TRAPPC11: variants seen among roughly 807,000 people sequenced by gnomAD.
TRAPPC11 encodes trafficking protein particle complex subunit 11, also known as foie gras homolog.
Under a neutral mutation model 151.2 loss-of-function variants are expected in TRAPPC11, and 104 were observed. The ratio of observed to expected loss-of-function variants is 0.69; its 90% CI spans 0.59 to 0.81. TRAPPC11 has a LOEUF of 0.81. TRAPPC11 is among the 30% of genes least tolerant of loss of function. The pLI, the probability that TRAPPC11 is intolerant of heterozygous loss-of-function variation, is 0.00. For synonymous variants in TRAPPC11, 456 were observed against 472.3 expected (o/e 0.97, Z 0.45); for missense variants, 1,230 against 1,349.6 (o/e 0.91, Z 1.39).
chr4:183,660,879 A>C lies in TRAPPC11; in HGVS notation c.-22+1432A>C, dbSNP rs369150284. On this transcript the variant is annotated intron_variant, in intron 1 of 29. Coordinates refer to ENST00000334690, the MANE Select transcript of TRAPPC11 (RefSeq NM_021942.6). ...TAGGCACGCATCACCATGCCCGGCT[A>C]ATTTTTGTATTTTTAGTAGAGACGG... Among the ~76,000 whole-genome samples, 45 of 151,976 alleles carry C rather than the reference A, an allele frequency of 3.0e-4. 1 individual carries two copies. Among genetic ancestry groups the C allele is most frequent in the African/African-American group, 1.1e-3 (45 of 41,524 alleles).
intron 1 of TRAPPC11, among the ~76,000 whole-genome samples, chr4:183,660,756 C>T (rs949864709): frequency 1.3e-4 from 20 of 152,302 alleles, no homozygotes; most frequent in Non-Finnish European, 1.8e-4. Flanking sequence ...CTCTGTTGCC[C>T]AGGCTGGAGT....
Position 183,707,055 on chromosome 4 carries a change from T to C in TRAPPC11, c.3189+115T>C, listed in dbSNP as rs1384700188. 3 of 1,300,670 alleles carry C rather than the reference T, an allele frequency of 2.3e-6. No individual in the cohort carries two copies. In the East Asian group the frequency reaches 7.3e-5, roughly 32 times the overall value. The allele number at this position is 1,300,670 out of a possible 1,614,324, so 80.6% of individuals were successfully genotyped here. On this transcript the variant is annotated intron_variant, in intron 28 of 29. Transcript: ENST00000334690. ...GTAAAGCTGACTGTGGTCCCTGTTG[T>C]TTTGGTAATAGTGAATTTTTAAGCA... is the stretch of plus-strand genomic sequence containing the variant.
At position 183,679,447 on chromosome 4, in the gene TRAPPC11, C is replaced by T. The variant is rs1188713861; in HGVS notation, c.926C>T (p.Ala309Val). ...TTGTGTAAGAAAAAGATTGGAAGTG[C>T]AGAGCTGTCTTTTGAGCATGATGCA... ...IDLCKKKIGSAELSFEHDAWM... is the reference protein window; with the variant it reads ...IDLCKKKIGSVELSFEHDAWM... The change falls in exon 9 of 30, where the codon GCA becomes GTA. Residue 309 changes from alanine (A) to valine (V), a missense_variant. Ala to Val is a moderately conservative substitution (Grantham distance 64). Coordinates refer to ENST00000334690, the MANE Select transcript of TRAPPC11 (RefSeq NM_021942.6). The T allele has an allele frequency of 3.7e-6, 6 of 1,612,324 alleles. No homozygotes were observed. The highest frequency in any genetic ancestry group is 5.1e-6 in the Non-Finnish European group (6 of 1,179,260).
At chr4:183,685,022 A>C in intron 15 of TRAPPC11, 62 bp from the exon 16 acceptor site, 3 of 1,508,014 alleles carry the variant, frequency 2.0e-6, no homozygotes, top group Non-Finnish European at 2.7e-6. Flanking sequence ...TAAAACAATA[A>C]ATGGGGGTAG....
intron 27 of TRAPPC11, among the ~76,000 whole-genome samples, chr4:183,706,477 A>G (rs549420677): frequency 8.6e-5 from 13 of 151,616 alleles, no homozygotes; most frequent in Non-Finnish European, 1.5e-4. Flanking sequence ...GAGCCGAGAT[A>G]GCACCACTGC....
At chr4:183,684,889 A>G (rs1735886050) in intron 15 of TRAPPC11, 48 bp downstream of exon 15, 1 of 1,533,694 alleles carries the variant, frequency 6.5e-7, no homozygotes, top group Non-Finnish European at 8.9e-7. Context: ...AAAATTATTT[A>G]GCATCTTTAA....
At chr4:183,682,220 T>G (rs1735733967) in intron 10 of TRAPPC11, among the ~76,000 whole-genome samples, 1 of 152,352 alleles carries the variant, frequency 6.6e-6, no homozygotes, top group Non-Finnish European at 1.5e-5. Flanking sequence ...GTTTTCTGCA[T>G]TTTTCATGTA....
Position 183,666,249 on chromosome 4 carries a change from GT to G in TRAPPC11, c.205-5del. The G allele has an allele frequency of 6.2e-7, 1 of 1,607,150 alleles. No individual in the cohort carries two copies. The highest frequency in any genetic ancestry group is 8.5e-7 in the Non-Finnish European group (1 of 1,176,422). On this transcript the variant is annotated splice_region_variant and splice_polypyrimidine_tract_variant and intron_variant, in intron 2 of 29. Transcript: ENST00000334690. ...AGGTAACTTTTCAATTTCTGCCAAT[GT>G]TTGCAGAGAACTTCATATGAGTGGT...
In TRAPPC11 at chr4:183,712,696, G is replaced by A. The variant is rs1225419787; in HGVS notation, c.*52G>A. 1 of 1,577,644 alleles carries A rather than the reference G, an allele frequency of 6.3e-7. No homozygotes were observed. The highest frequency in any genetic ancestry group is 1.7e-5 in the Admixed American group (1 of 59,110). ...TTACAGAGATGTTGGGCAGAGCTAT[G>A]CAGGTGTTTCATTGTGAACTCTAGC... On this transcript the variant is annotated 3_prime_UTR_variant, in exon 30 of 30. Transcript: ENST00000334690.
Position 183,674,710 on chromosome 4 carries a change from C to T in TRAPPC11, c.561-3C>T, listed in dbSNP as rs759942315. ...AATGCTTGTTTGTTTTTGTTTTTTA[C>T]AGATTGGAAAATGCCTTTTATGAAC... On this transcript the variant is annotated splice_region_variant and splice_polypyrimidine_tract_variant and intron_variant, in intron 5 of 29. Coordinates refer to ENST00000334690, the MANE Select transcript of TRAPPC11 (RefSeq NM_021942.6). 6.6e-7 allele frequency: 1 copy of T among 1,510,826 alleles called. No homozygotes were observed. Among genetic ancestry groups the T allele is most frequent in the Non-Finnish European group, 8.9e-7 (1 of 1,126,106 alleles). The allele number at this position is 1,510,826 out of a possible 1,614,324, so 93.6% of individuals were successfully genotyped here.
Position 183,698,937 on chromosome 4 carries a change from C to G in TRAPPC11, c.2851+1102C>G, listed in dbSNP as rs552168564. ...ACATCCAAACATTTTTTTAATCCAG[C>G]TTTTCATCTCCATCCTCAGTGCCAT... On this transcript the variant is annotated intron_variant, in intron 25 of 29. Transcript: ENST00000334690. Among the ~76,000 whole-genome samples the G allele has an allele frequency of 2.0e-5, 3 of 152,316 alleles. No homozygotes were observed. The South Asian group carries it at 6.2e-4, about 32-fold the overall frequency.
At chr4:183,683,006 T>C (rs1440015499) in intron 11 of TRAPPC11, among the ~76,000 whole-genome samples, 181 bp downstream of exon 11, 3 of 152,342 alleles carry the variant, frequency 2.0e-5, no homozygotes, top group South Asian at 4.1e-4. Context: ...GAGTGACTTA[T>C]AATTAAAGTT....
chr4:183,665,930 T>C (rs1342816048), intron 2 of TRAPPC11, among the ~76,000 whole-genome samples: 2 of 27,608 alleles, frequency 7.2e-5, no homozygotes, highest in African/African-American at 1.4e-4. Flanking sequence ...AATGGGCTAC[T>C]TTTTTTTTTT....
Position 183,663,880 on chromosome 4 carries a change from C to G in TRAPPC11, c.13C>G (p.Gln5Glu), listed in dbSNP as rs1367930496. 6.2e-7 allele frequency: 1 copy of G among 1,613,848 alleles called. No homozygotes were observed. Among genetic ancestry groups the G allele is most frequent in the South Asian group, 1.1e-5 (1 of 91,086 alleles). The change falls in exon 2 of 30, where the codon CAG (glutamine) becomes GAG (glutamate). Residue 5 changes from glutamine to glutamate, a missense_variant. Physicochemically the swap from Gln to Glu is conservative, Grantham distance 29. Transcript: ENST00000334690. ...TGACATCGTAAACATGAGCCCCACA[C>G]AGTGGGACTTCCCTGTGGAATTATG... MSPT[Q>E]WDFPVELCCR...
rs368393157 is a variant in TRAPPC11 at position 183,675,283 on chromosome 4, A to G, written c.734+46A>G. On this transcript the variant is annotated intron_variant, in intron 7 of 29. Coordinates refer to ENST00000334690, the MANE Select transcript of TRAPPC11 (RefSeq NM_021942.6). ...AAATGTTTCCTATTTTTATATTAAC[A>G]ATAACATGTGATGGAAATTTCTGAA... 6 of 1,197,516 alleles carry G rather than the reference A, an allele frequency of 5.0e-6. No individual in the cohort carries two copies. The African/African-American group carries it at 9.3e-5, about 19-fold the overall frequency. The allele number at this position is 1,197,516 out of a possible 1,614,324, so 74.2% of individuals were successfully genotyped here.
At chr4:183,679,730 T>C (rs1473911570) in intron 9 of TRAPPC11, among the ~76,000 whole-genome samples, 1 of 152,216 alleles carries the variant, frequency 6.6e-6, no homozygotes, top group Non-Finnish European at 1.5e-5. Context: ...GTCTCTACCA[T>C]ATGTCTAGGT....
At chr4:183,690,427 T>C (rs1313556834) in intron 18 of TRAPPC11, among the ~76,000 whole-genome samples, 2 of 152,200 alleles carry the variant, frequency 1.3e-5, no homozygotes, top group Non-Finnish European at 2.9e-5. Flanking sequence ...GCTGTCTTCC[T>C]TTACTCATCT....
intron 5 of TRAPPC11, among the ~76,000 whole-genome samples, chr4:183,673,087 T>C (rs963268256): frequency 1.3e-5 from 2 of 151,448 alleles, no homozygotes; most frequent in South Asian, 2.1e-4. Flanking sequence ...CTCAGCCTCC[T>C]GAGTAGCTGG....
chr4:183,679,240 G>A (rs1248259738), intron 8 of TRAPPC11, 113 bp from the exon 9 acceptor site: 4 of 1,098,314 alleles, frequency 3.6e-6, no homozygotes, highest in Admixed American at 3.5e-5. Flanking sequence ...GAGCTTCAGA[G>A]AAGGAAATTT....
Sources: gnomAD v4.1 joint callset for allele counts (sites outside exome capture counted in the v4.1 genomes callset) on GRCh38, gnomAD v4.1.1 for gene constraint, MANE v1.5 for transcripts, NCBI Gene and HGNC (gene_info 2026-07-23, HGNC 2026-07-21) for gene names.